Variants in LDLRAD3 observed in about 807,000 individuals in gnomAD.
LDLRAD3 encodes the protein low density lipoprotein receptor class A domain containing 3, also known as low-density lipoprotein receptor class A domain-containing protein 3.
LDLRAD3 carries 20 observed loss-of-function variants against 29.4 expected under a neutral mutation model. The observed-to-expected ratio is 0.68, with a 90% CI of 0.48 to 0.99. The LOEUF is 0.99. Among genes scored for constraint, LDLRAD3 ranks in the 50% least tolerant of loss-of-function variants. The pLI is 0.00. For missense variants in LDLRAD3, 420 were observed against 454.3 expected (o/e 0.92, Z 0.69); for synonymous variants, 157 against 192.7 (o/e 0.81, Z 1.53).
intron 2 of LDLRAD3, among the ~76,000 whole-genome samples, chr11:36,053,404 T>G (rs1852557340): frequency 6.6e-6 from 1 of 152,178 alleles, no homozygotes; most frequent in African/African-American, 2.4e-5. Context: ...TCTTTAAAGG[T>G]AGCTGTGGAG....
intron 4 of LDLRAD3, among the ~76,000 whole-genome samples, chr11:36,127,818 G>A (rs1444698025): frequency 4.6e-5 from 7 of 152,138 alleles, no homozygotes; most frequent in Admixed American, 4.6e-4. Context: ...TGATTCCAAA[G>A]CTCATGCTCT....
At chr11:36,062,592 C>T (rs1852718012) in intron 2 of LDLRAD3, among the ~76,000 whole-genome samples, 1 of 152,106 alleles carries the variant, frequency 6.6e-6, no homozygotes, top group Non-Finnish European at 1.5e-5. Flanking sequence ...TCCCATAATC[C>T]CCACGTCATG....
chr11:35,997,170 G>T (rs1026943501), intron 1 of LDLRAD3: 2 of 267,544 alleles, frequency 7.5e-6, no homozygotes, highest in South Asian at 8.1e-5. Flanking sequence ...ATCCTTTATT[G>T]AAATGTTTTC....
chr11:36,149,884 CCTCATGA>C (rs919071339), intron 4 of LDLRAD3, among the ~76,000 whole-genome samples: 5 of 152,052 alleles, frequency 3.3e-5, no homozygotes, highest in Admixed American at 2.0e-4. Context: ...GACTCATGTT[CCTCATGA>C]CTCATGACTC....
At chr11:36,012,103 C>A (rs1027083694) in intron 1 of LDLRAD3, among the ~76,000 whole-genome samples, 8 of 152,252 alleles carry the variant, frequency 5.3e-5, no homozygotes, top group Non-Finnish European at 1.2e-4. Context: ...TTAATATATT[C>A]TATAGTAGTC....
intron 4 of LDLRAD3, among the ~76,000 whole-genome samples, chr11:36,179,465 CT>C (rs1854725488): frequency 6.6e-6 from 1 of 152,010 alleles, no homozygotes; most frequent in East Asian, 1.9e-4. Flanking sequence ...CAGAGTGAGA[CT>C]CTGTCTCAGA....
chr11:36,170,939 C>A (rs751968412), intron 4 of LDLRAD3, among the ~76,000 whole-genome samples: 5 of 151,892 alleles, frequency 3.3e-5, no homozygotes, highest in Non-Finnish European at 7.4e-5. Context: ...GTAGGTGGGA[C>A]AACAGGCACA....
intron 2 of LDLRAD3, among the ~76,000 whole-genome samples, chr11:36,076,222 GTCCA>G (rs56767260): frequency 0.01 from 1,514 of 145,482 alleles, 7 homozygotes; most frequent in East Asian, 0.013. Flanking sequence ...CTGTCCATCC[GTCCA>G]TCCATCCATC....
intron 2 of LDLRAD3, among the ~76,000 whole-genome samples, chr11:36,056,031 T>C (rs1307236162): frequency 7.0e-6 from 1 of 143,840 alleles, no homozygotes; most frequent in Non-Finnish European, 1.5e-5. Context: ...AGTCTTGCTC[T>C]GTCACCCAGG....
chr11:35,947,339 G>T (rs543656002), intron 1 of LDLRAD3, among the ~76,000 whole-genome samples: 1 of 151,718 alleles, frequency 6.6e-6, no homozygotes, highest in Non-Finnish European at 1.5e-5. Context: ...TGAAACCGTC[G>T]TCTCTACTAA....
chr11:35,989,765 C>G (rs1851664503), intron 1 of LDLRAD3, among the ~76,000 whole-genome samples: 1 of 152,162 alleles, frequency 6.6e-6, no homozygotes, highest in South Asian at 2.1e-4. Flanking sequence ...TATCCCAAAA[C>G]TTTACTGAAG....
At chr11:36,128,117 C>CATACATATATATATATATATATATAT (rs1391537319) in intron 4 of LDLRAD3, among the ~76,000 whole-genome samples, 1 of 98,954 alleles carries the variant, frequency 1.0e-5, no homozygotes, top group Non-Finnish European at 2.3e-5. Context: ...GTTGTTTTTA[C>CATACATATATATATATATATATATAT]ATATATATAT....
chr11:35,971,365 C>T (rs1413922239), intron 1 of LDLRAD3, among the ~76,000 whole-genome samples: 1 of 152,212 alleles, frequency 6.6e-6, no homozygotes, highest in Non-Finnish European at 1.5e-5. Flanking sequence ...CCCTAACCCT[C>T]AGTACCTCAG....
intron 1 of LDLRAD3, among the ~76,000 whole-genome samples, chr11:36,031,786 A>G (rs10836483): frequency 0.92 from 139,723 of 152,270 alleles, 64,640 homozygotes; most frequent in Non-Finnish European, 0.98. Context: ...GAATGAGGTT[A>G]GCCAAGTGTA....
chr11:36,129,986 G>A (rs891826615), intron 4 of LDLRAD3, among the ~76,000 whole-genome samples: 1 of 152,172 alleles, frequency 6.6e-6, no homozygotes, highest in African/African-American at 2.4e-5. Flanking sequence ...TTTGTTTGTT[G>A]TTCATTGCAG....
At chr11:36,030,435 AGTGTGTGTGTGTGT>A (rs3080139) in intron 1 of LDLRAD3, among the ~76,000 whole-genome samples, 11 of 147,702 alleles carry the variant, frequency 7.4e-5, no homozygotes, top group African/African-American at 1.8e-4. Context: ...CTGTGCATGG[AGTGTGTGTGTGTGT>A]GTGTGTGTGT....
intron 4 of LDLRAD3, among the ~76,000 whole-genome samples, chr11:36,170,330 G>GTATA (rs1565276200): frequency 2.7e-5 from 4 of 146,386 alleles, no homozygotes; most frequent in East Asian, 2.0e-4. Flanking sequence ...ATGTATATAT[G>GTATA]TACGTATATA....
At chr11:36,138,287 T>C (rs1350353121) in intron 4 of LDLRAD3, among the ~76,000 whole-genome samples, 2 of 152,192 alleles carry the variant, frequency 1.3e-5, no homozygotes, top group African/African-American at 4.8e-5. Flanking sequence ...CCTTGGGTGG[T>C]TGGGAGGATT....
intron 4 of LDLRAD3, among the ~76,000 whole-genome samples, chr11:36,208,597 G>GT (rs2133379760): frequency 6.6e-6 from 1 of 152,326 alleles, no homozygotes; most frequent in Non-Finnish European, 1.5e-5. Context: ...GGCAGTACTT[G>GT]TATTTTGGAG....
Sources: allele counts gnomAD v4.1 joint callset (sites outside exome capture counted in the v4.1 genomes callset), GRCh38; gene constraint gnomAD v4.1.1; transcripts MANE v1.5; gene names NCBI Gene and HGNC (gene_info 2026-07-23, HGNC 2026-07-21).